The following CPNE4 variants were observed in gnomAD, a reference collection of about 807,000 sequenced individuals.
CPNE4 encodes copine-4.
Under a neutral mutation model 67.9 loss-of-function variants are expected in CPNE4, and 25 were observed. The ratio of observed to expected loss-of-function variants is 0.37; its 90% CI spans 0.27 to 0.51. CPNE4 has a LOEUF of 0.51. Ranked by LOEUF, CPNE4 falls within the 20% of genes least tolerant of loss-of-function variation. The pLI, the probability that CPNE4 is intolerant of heterozygous loss-of-function variation, is 0.93. For missense variants in CPNE4, 464 were observed against 690.8 expected, an observed-to-expected ratio of 0.67 and a Z score of 3.68; for synonymous variants, 242 against 244.9, an observed-to-expected ratio of 0.99 and a Z score of 0.11.
In CPNE4 at chr3:131,723,531, C is replaced by T. The variant is rs775205253; in HGVS notation, c.275G>A (p.Arg92Gln). Residue 92 changes from arginine (R) to glutamine (Q), a missense_variant, in exon 3 of 16, where the codon CGG becomes CAG. Coordinates refer to ENST00000429747, the MANE Select transcript of CPNE4 (RefSeq NM_130808.3). ...GCTGCTGATGTCATGGACTTCAAAC[C>T]GCAGGCGCTGCACCTCCTCAAAGTA... is the stretch of plus-strand genomic sequence containing the variant. ...DFYFEEVQRL[R>Q]FEVHDISSNH... 1.9e-5 allele frequency: 31 copies of T among 1,613,888 alleles called. No homozygotes were observed. The highest frequency in any genetic ancestry group is 8.3e-5 in the Admixed American group (5 of 60,002).
In CPNE4 at chr3:131,993,829, G is replaced by C. The variant is rs1347329257; in HGVS notation, c.-2+40738C>G. Reference sequence around the variant, plus strand: ...AATATCGGAGTAGAGATCTTTACTAGTGCAAAAATACAAGAAAAAGACATA... The same window carrying C: ...AATATCGGAGTAGAGATCTTTACTACTGCAAAAATACAAGAAAAAGACATA... On this transcript the variant is annotated intron_variant, in intron 1 of 15. Coordinates refer to ENST00000429747, the MANE Select transcript of CPNE4 (RefSeq NM_130808.3). Among the ~76,000 whole-genome samples, 3 of 135,856 alleles carry C rather than the reference G, an allele frequency of 2.2e-5. 1 individual carries two copies. Among genetic ancestry groups the C allele is most frequent in the Admixed American group, 8.3e-5 (1 of 12,002 alleles). The allele number at this position is 135,856 out of a possible 152,430, so 89.1% of individuals were successfully genotyped here. A position where few individuals can be genotyped will look rare whatever the true frequency, so the allele number is the denominator to read the frequency against.
At chr3:131,988,770 T>C (rs989666259) in intron 1 of CPNE4, among the ~76,000 whole-genome samples, 8 of 152,208 alleles carry the variant, frequency 5.3e-5, no homozygotes, top group African/African-American at 1.9e-4. Flanking sequence ...AAATATAAGA[T>C]TTATAAATAA....
chr3:131,535,593 T>A (rs1001496835), intron 15 of CPNE4, among the ~76,000 whole-genome samples: 5 of 152,224 alleles, frequency 3.3e-5, no homozygotes, highest in African/African-American at 1.2e-4. Context: ...GAGAATGAAT[T>A]GTTCTGCAGT....
chr3:131,812,357 G>T (rs1013203973), intron 2 of CPNE4, among the ~76,000 whole-genome samples: 3 of 152,068 alleles, frequency 2.0e-5, no homozygotes, highest in Admixed American at 1.3e-4. Flanking sequence ...TGAATGCTCA[G>T]GAAGTGGAAA....
At chr3:132,008,586 T>TATGTGCACATTTGTGCACATGGGCATGA (rs991558462) in intron 1 of CPNE4, among the ~76,000 whole-genome samples, 2 of 152,130 alleles carry the variant, frequency 1.3e-5, no homozygotes, top group Non-Finnish European at 2.9e-5. Context: ...GAAAAGAGTA[T>TATGTGCACATTTGTGCACATGGGCATGA]ATGTGCACAT....
intron 2 of CPNE4, among the ~76,000 whole-genome samples, chr3:131,885,429 A>C (rs1270514065): frequency 2.0e-5 from 3 of 151,850 alleles, no homozygotes; most frequent in Non-Finnish European, 2.9e-5. Context: ...TAATAGATGC[A>C]GACCCATGCA....
At chr3:131,780,306 CA>C (rs2083400259) in intron 2 of CPNE4, among the ~76,000 whole-genome samples, 1 of 152,056 alleles carries the variant, frequency 6.6e-6, no homozygotes, top group African/African-American at 2.4e-5. Flanking sequence ...AACGACTTTT[CA>C]ACCTAGCAAT....
At chr3:132,030,385 G>A (rs1534804) in intron 1 of CPNE4, among the ~76,000 whole-genome samples, 98,941 of 151,612 alleles carry the variant, frequency 0.65, 32,997 homozygotes, top group Middle Eastern at 0.74. Flanking sequence ...GCACATTAAC[G>A]GAGATGGCTG....
chr3:131,895,461 A>G (rs368278238), intron 2 of CPNE4, among the ~76,000 whole-genome samples: 3 of 152,220 alleles, frequency 2.0e-5, no homozygotes, highest in Admixed American at 2.0e-4. Context: ...CCCCATCAAT[A>G]TATACAGTTA....
intron 7 of CPNE4, among the ~76,000 whole-genome samples, chr3:131,640,615 C>T (rs762751585): frequency 1.3e-4 from 20 of 151,990 alleles, no homozygotes; most frequent in Non-Finnish European, 2.2e-4. Context: ...AAATTCAATG[C>T]AATTCCCATC....
chr3:131,922,203 C>T (rs1339084934), intron 1 of CPNE4, among the ~76,000 whole-genome samples: 1 of 152,160 alleles, frequency 6.6e-6, no homozygotes, highest in African/African-American at 2.4e-5. Context: ...TTAATTCACT[C>T]AGGATAATGG....
chr3:132,036,486 G>A (rs576896105), upstream of CPNE4, among the ~76,000 whole-genome samples: 23 of 152,292 alleles, frequency 1.5e-4, no homozygotes, highest in South Asian at 1.2e-3. Context: ...AAGGGGAGAC[G>A]GATGCTAAGC....
rs563215548 is a variant in CPNE4 at position 131,541,811 on chromosome 3, C to T, written c.1539+746G>A. ...TCAGCCTCCCGAGTAGCTGGGATTA[C>T]AGGCGCCTGCCACCACGCCCAGCTA... On this transcript the variant is annotated intron_variant, in intron 15 of 15. Transcript: ENST00000429747. 1.4e-3 allele frequency among the ~76,000 whole-genome samples: 210 copies of T among 152,168 alleles called. 1 individual carries two copies. Among genetic ancestry groups the T allele is most frequent in the South Asian group, 7.7e-3 (37 of 4,818 alleles).
chr3:131,872,929 T>G (rs2087279787), intron 2 of CPNE4, among the ~76,000 whole-genome samples: 1 of 152,040 alleles, frequency 6.6e-6, no homozygotes, highest in Non-Finnish European at 1.5e-5. Flanking sequence ...GTAGACAAAC[T>G]AACCTTTATG....
intron 6 of CPNE4, among the ~76,000 whole-genome samples, chr3:131,673,779 C>T (rs1403120764): frequency 6.6e-6 from 1 of 152,008 alleles, no homozygotes; most frequent in African/African-American, 2.4e-5. Flanking sequence ...TTGACTTCTT[C>T]CTTTTCAATT....
At chr3:131,997,794 G>T (rs1236047604) in intron 1 of CPNE4, among the ~76,000 whole-genome samples, 1 of 152,096 alleles carries the variant, frequency 6.6e-6, no homozygotes, top group African/African-American at 2.4e-5. Context: ...GCCAGATTTG[G>T]CAGGTACTTG....
intron 1 of CPNE4, among the ~76,000 whole-genome samples, chr3:132,008,169 T>C (rs1341883132): frequency 6.6e-6 from 1 of 152,164 alleles, no homozygotes; most frequent in African/African-American, 2.4e-5. Context: ...TTATTTCTTA[T>C]TGAATGAGGA....
chr3:131,583,376 T>C (rs1937967749), intron 8 of CPNE4, among the ~76,000 whole-genome samples: 1 of 152,182 alleles, frequency 6.6e-6, no homozygotes, highest in Non-Finnish European at 1.5e-5. Flanking sequence ...AAAACTGATA[T>C]TGTCTTTTGC....
intron 1 of CPNE4, among the ~76,000 whole-genome samples, chr3:131,915,517 G>A (rs531720651): frequency 2.6e-4 from 39 of 152,192 alleles, no homozygotes; most frequent in African/African-American, 8.9e-4. Context: ...AGCAAACACA[G>A]ATACAAACCA....
Sources: gnomAD v4.1 joint callset for allele counts (sites outside exome capture counted in the v4.1 genomes callset) on GRCh38, gnomAD v4.1.1 for gene constraint, MANE v1.5 for transcripts, NCBI Gene and HGNC (gene_info 2026-07-23, HGNC 2026-07-21) for gene names.